Variants in PITPNM3 observed in about 807,000 individuals in gnomAD.
The protein encoded by PITPNM3 is membrane-associated phosphatidylinositol transfer protein 3.
PITPNM3 carries 26 observed loss-of-function variants against 102.0 expected under a neutral mutation model. That is an observed-to-expected ratio of 0.25 (90% CI 0.19 to 0.35). PITPNM3 has a LOEUF of 0.35. Ranked by LOEUF, PITPNM3 falls within the 10% of genes least tolerant of loss-of-function variation. PITPNM3 has a pLI of 1.00. For synonymous variants in PITPNM3, 578 were observed against 558.6 expected (o/e 1.03, Z -0.49); for missense variants, 1,083 against 1,346.1 (o/e 0.80, Z 3.06).
At chr17:6,463,391 A>T (rs1030406794) in intron 17 of PITPNM3, among the ~76,000 whole-genome samples, 1 of 95,354 alleles carries the variant, frequency 1.0e-5, no homozygotes, top group Non-Finnish European at 2.5e-5. Flanking sequence ...GGGCCTCAGA[A>T]AGCAGCGGAT....
intron 18 of PITPNM3, chr17:6,460,582 A>C (rs1188961851): frequency 6.6e-6 from 1 of 152,496 alleles, no homozygotes; most frequent in Admixed American, 6.5e-5. Flanking sequence ...GTTCCAATCA[A>C]ACTTTTTTTA....
chr17:6,532,686 G>A (rs1406877552), intron 2 of PITPNM3, among the ~76,000 whole-genome samples: 1 of 152,062 alleles, frequency 6.6e-6, no homozygotes, highest in Admixed American at 6.5e-5. Flanking sequence ...CTTCTTAACT[G>A]TACCACAATT....
In PITPNM3 at chr17:6,479,055, A is replaced by C. The variant is rs1367691694; in HGVS notation, c.588-319T>G. ...AAGGGCACCCCAATCATAGAGGAAGAAGTCAGCTGAGGACCCAGCTAGTGT... is the reference window on the plus strand; with the variant it reads ...AAGGGCACCCCAATCATAGAGGAAGCAGTCAGCTGAGGACCCAGCTAGTGT... On this transcript the variant is annotated intron_variant, in intron 6 of 19. Coordinates refer to ENST00000262483, the MANE Select transcript of PITPNM3 (RefSeq NM_031220.4). The C allele has an allele frequency of 3.9e-5, 14 of 355,822 alleles. No individual in the cohort carries two copies. In the South Asian group the frequency reaches 5.6e-4, roughly 14 times the overall value. 22.0% of individuals were successfully genotyped at this position (355,822 alleles called of 1,614,324 possible). A position where few individuals can be genotyped will look rare whatever the true frequency, so the allele number is the denominator to read the frequency against.
At chr17:6,497,122 A>G (rs527730716) in intron 4 of PITPNM3, among the ~76,000 whole-genome samples, 2 of 152,334 alleles carry the variant, frequency 1.3e-5, no homozygotes, top group African/African-American at 4.8e-5. Context: ...AGCTGTGCTC[A>G]GCAAGCTGCC....
intron 17 of PITPNM3, among the ~76,000 whole-genome samples, chr17:6,463,097 G>C (rs934887508): frequency 6.6e-6 from 1 of 152,102 alleles, no homozygotes; most frequent in African/African-American, 2.4e-5. Context: ...CTGTTCTTAC[G>C]GAGCTGCTGG....
chr17:6,457,921 C>T lies in PITPNM3; in HGVS notation c.2491-199G>A, dbSNP rs1393268243. Among the ~76,000 whole-genome samples, 1 of 151,584 alleles carries T rather than the reference C, an allele frequency of 6.6e-6. No individual in the cohort carries two copies. Among genetic ancestry groups the T allele is most frequent in the East Asian group, 2.0e-4 (1 of 5,096 alleles). Reference sequence around the variant, plus strand: ...CCTGCACCCCAGGCCCAACCCAGGTCTCTGCCCAGTAAACAGTCGTGACCA... The same window carrying T: ...CCTGCACCCCAGGCCCAACCCAGGTTTCTGCCCAGTAAACAGTCGTGACCA... On this transcript the variant is annotated intron_variant, in intron 18 of 19. Coordinates refer to ENST00000262483, the MANE Select transcript of PITPNM3 (RefSeq NM_031220.4). The surrounding 1 kb of genome is among the most constrained non-coding windows in gnomAD (Gnocchi z 4.7).
intron 4 of PITPNM3, among the ~76,000 whole-genome samples, chr17:6,502,127 G>T (rs1208447353): frequency 6.6e-6 from 1 of 152,246 alleles, no homozygotes; most frequent in Non-Finnish European, 1.5e-5. Flanking sequence ...CTTTGTCTAT[G>T]AAATTGCCAT....
chr17:6,510,999 G>A (rs1361069103), intron 3 of PITPNM3, among the ~76,000 whole-genome samples: 1 of 152,206 alleles, frequency 6.6e-6, no homozygotes, highest in Non-Finnish European at 1.5e-5. Flanking sequence ...GGATGGCCAG[G>A]AAGCCATGAA....
Position 6,455,465 on chromosome 17 carries a change from T to C in PITPNM3, c.2798A>G (p.Asp933Gly). 1 of 1,603,846 alleles carries C rather than the reference T, an allele frequency of 6.2e-7. No homozygotes were observed. The highest frequency in any genetic ancestry group is 1.1e-5 in the South Asian group (1 of 91,018). ...GGGCTTGGGGTTGGCGGCGGGCGGG[T>C]CGGGCTGCTGCACTGACATGGTTCT... The part of the protein sequence containing the change: ...LRRTMSVQQP[D>G]PPAANPKPER... The change falls in exon 20 of 20, where the codon GAC becomes GGC. Residue 933 changes from aspartate to glycine, a missense_variant. By Grantham distance (94) the Asp-to-Gly change is moderately conservative. This residue lies in a region of PITPNM3 where 208 missense variants were observed against 178.2 expected (regional missense o/e 1.17). Coordinates refer to ENST00000262483, the MANE Select transcript of PITPNM3 (RefSeq NM_031220.4).
intron 3 of PITPNM3, among the ~76,000 whole-genome samples, chr17:6,521,960 G>A (rs775226294): frequency 5.3e-5 from 8 of 152,136 alleles, no homozygotes; most frequent in African/African-American, 1.7e-4. Context: ...TTGCGGAAGC[G>A]GCAAAGAAAC....
intron 1 of PITPNM3, among the ~76,000 whole-genome samples, chr17:6,548,339 T>C (rs1435490669): frequency 6.6e-6 from 1 of 152,122 alleles, no homozygotes; most frequent in African/African-American, 2.4e-5. Context: ...TGCTCCAGAT[T>C]ATACTATATA....
chr17:6,538,124 G>T, intron 1 of PITPNM3, 42 bp from the exon 2 acceptor site: 1 of 1,475,834 alleles, frequency 6.8e-7, no homozygotes, highest in Non-Finnish European at 9.5e-7. Flanking sequence ...CTGAGATGTT[G>T]TCCCAGTATG....
rs144378260 is a variant in PITPNM3, at chr17:6,478,958, G to A, written c.588-222C>T. The A allele has an allele frequency of 3.6e-5, 21 of 590,812 alleles. No homozygotes were observed. Among genetic ancestry groups the A allele is most frequent in the African/African-American group, 7.4e-5 (4 of 53,824 alleles). 36.6% of individuals were successfully genotyped at this position (590,812 alleles called of 1,614,324 possible). A position where few individuals can be genotyped will look rare whatever the true frequency, so the allele number is the denominator to read the frequency against. Reference sequence around the variant, plus strand: ...CACTGACTCCCTGTGTGTCCTTCCCGTGCTGGCCATGGGTGTGGGCCCTGG... The same window carrying A: ...CACTGACTCCCTGTGTGTCCTTCCCATGCTGGCCATGGGTGTGGGCCCTGG... On this transcript the variant is annotated intron_variant, in intron 6 of 19. Coordinates refer to ENST00000262483, the MANE Select transcript of PITPNM3 (RefSeq NM_031220.4). The surrounding 1 kb of genome is among the most constrained non-coding windows in gnomAD (Gnocchi z 4.4).
intron 2 of PITPNM3, among the ~76,000 whole-genome samples, chr17:6,529,256 C>A (rs1007677196): frequency 6.6e-6 from 1 of 152,128 alleles, no homozygotes; most frequent in African/African-American, 2.4e-5. Context: ...TCTTCCTATC[C>A]TGGAGCTTCT....
At chr17:6,462,739 T>G (rs1473134495) in intron 17 of PITPNM3, among the ~76,000 whole-genome samples, 2 of 152,154 alleles carry the variant, frequency 1.3e-5, no homozygotes, top group Non-Finnish European at 2.9e-5. Context: ...TGGATGATGA[T>G]CTGAGGGATC....
intron 4 of PITPNM3, among the ~76,000 whole-genome samples, chr17:6,497,059 C>T (rs188754201): frequency 1.2e-4 from 19 of 152,252 alleles, no homozygotes; most frequent in Admixed American, 9.2e-4. Flanking sequence ...GCTCCCAAGG[C>T]GGACGTCTGC....
intron 3 of PITPNM3, among the ~76,000 whole-genome samples, chr17:6,511,802 T>C (rs1324871678): frequency 2.0e-5 from 3 of 152,000 alleles, no homozygotes; most frequent in Non-Finnish European, 4.4e-5. Context: ...GCCAACATAG[T>C]GAAACCCCAT....
chr17:6,547,292 A>C (rs1910076569), intron 1 of PITPNM3, among the ~76,000 whole-genome samples: 1 of 152,202 alleles, frequency 6.6e-6, no homozygotes, highest in East Asian at 1.9e-4. Context: ...GTATGTCATA[A>C]ATATGCCATT....
At chr17:6,540,697 C>T (rs1002168061) in intron 1 of PITPNM3, among the ~76,000 whole-genome samples, 7 of 152,282 alleles carry the variant, frequency 4.6e-5, no homozygotes, top group East Asian at 1.9e-4. Flanking sequence ...TTGCTCTTGT[C>T]GCCCAGGCTG....
Sources: gnomAD v4.1 joint callset for allele counts (sites outside exome capture counted in the v4.1 genomes callset) on GRCh38, gnomAD v4.1.1 for gene constraint, gnomAD v4.1.1 regional missense constraint, Gnocchi (gnomAD v3.1) non-coding constraint, MANE v1.5 for transcripts, NCBI Gene and HGNC (gene_info 2026-07-23, HGNC 2026-07-21) for gene names.